The following SMARCC1 variants were observed in gnomAD, a reference collection of about 807,000 sequenced individuals.
SMARCC1 encodes the protein SWI/SNF related BAF chromatin remodeling complex subunit C1, also known as SWI/SNF complex subunit SMARCC1.
In SMARCC1, 43 loss-of-function variants were observed where a neutral mutation model predicts 147.4. The observed-to-expected ratio is 0.29, with a 90% confidence interval of 0.23 to 0.38. The LOEUF is 0.38. SMARCC1 is among the 10% of genes least tolerant of loss of function. SMARCC1 has a pLI of 1.00. For missense variants in SMARCC1, 1,119 were observed against 1,381.1 expected (o/e 0.81, Z 3.01); for synonymous variants, 495 against 484.4 (o/e 1.02, Z -0.29).
chr3:47,641,375 C>G (rs1036456343), intron 21 of SMARCC1, among the ~76,000 whole-genome samples: 1 of 152,148 alleles, frequency 6.6e-6, no homozygotes, highest in Non-Finnish European at 1.5e-5. Flanking sequence ...GTCTCAACTA[C>G]TCAGGAGGCT....
At chr3:47,750,114 A>T (rs1174757651) in intron 2 of SMARCC1, among the ~76,000 whole-genome samples, 1 of 151,446 alleles carries the variant, frequency 6.6e-6, no homozygotes. Flanking sequence ...ACGAGTCATT[A>T]TAATTCTGTA....
At chr3:47,597,891 G>A (rs1254541951) in intron 26 of SMARCC1, among the ~76,000 whole-genome samples, 1 of 152,212 alleles carries the variant, frequency 6.6e-6, no homozygotes, top group Non-Finnish European at 1.5e-5. Context: ...ATGGGATGAC[G>A]TGAAGAGGAC....
chr3:47,623,225 G>C (rs2032761094), intron 24 of SMARCC1, among the ~76,000 whole-genome samples: 1 of 149,082 alleles, frequency 6.7e-6, no homozygotes, highest in Admixed American at 6.7e-5. Flanking sequence ...CCAACTCCTG[G>C]GCTCAAGTGA....
At chr3:47,645,176 C>A (rs999865230) in intron 21 of SMARCC1, among the ~76,000 whole-genome samples, 2 of 151,928 alleles carry the variant, frequency 1.3e-5, no homozygotes, top group African/African-American at 4.8e-5. Context: ...ACAAAGGAGG[C>A]TGTGAAAGAA....
chr3:47,775,732 C>T (rs893664876), intron 1 of SMARCC1, among the ~76,000 whole-genome samples: 2 of 151,862 alleles, frequency 1.3e-5, no homozygotes, highest in Non-Finnish European at 2.9e-5. Context: ...AGATCGCGAT[C>T]GTGCCACCGC....
intron 2 of SMARCC1, among the ~76,000 whole-genome samples, chr3:47,756,806 C>T (rs1377316607): frequency 6.6e-6 from 1 of 152,070 alleles, no homozygotes; most frequent in Non-Finnish European, 1.5e-5. Flanking sequence ...TGGTATTTTA[C>T]AGAAAAAGTT....
intron 26 of SMARCC1, among the ~76,000 whole-genome samples, chr3:47,592,192 C>T (rs1216230243): frequency 1.3e-5 from 2 of 152,174 alleles, no homozygotes; most frequent in African/African-American, 4.8e-5. Flanking sequence ...AGCCTTCTGA[C>T]CCTTTAGAAT....
At chr3:47,752,455 G>C (rs1202150886) in intron 2 of SMARCC1, among the ~76,000 whole-genome samples, 1 of 152,152 alleles carries the variant, frequency 6.6e-6, no homozygotes, top group Non-Finnish European at 1.5e-5. Context: ...CAGGATGTTA[G>C]AGCAAATACT....
chr3:47,685,043 A>G (rs2033703165), intron 14 of SMARCC1, among the ~76,000 whole-genome samples: 1 of 152,218 alleles, frequency 6.6e-6, no homozygotes, highest in Non-Finnish European at 1.5e-5. Context: ...AGTCGGAAAC[A>G]TTCACCTTTT....
At position 47,676,892 on chromosome 3, in the gene SMARCC1, C is replaced by G. The variant is rs911397843; in HGVS notation, c.1572-110G>C. 6 of 882,804 alleles carry G rather than the reference C, an allele frequency of 6.8e-6. No individual in the cohort carries two copies. The African/African-American group carries it at 8.4e-5, about 12-fold the overall frequency. The allele number at this position is 882,804 out of a possible 1,614,324, so 54.7% of individuals were successfully genotyped here. A position where few individuals can be genotyped will look rare whatever the true frequency, so the allele number is the denominator to read the frequency against. On this transcript the variant is annotated intron_variant, in intron 16 of 27. Coordinates refer to ENST00000254480, the MANE Select transcript of SMARCC1 (RefSeq NM_003074.4). ...AAACAATAAAACCAGTAAATGTGCT[C>G]AGCAGGCTGTCAAACATCACAAACT...
intron 26 of SMARCC1, among the ~76,000 whole-genome samples, chr3:47,608,247 C>T (rs2032509710): frequency 6.6e-6 from 1 of 152,150 alleles, no homozygotes; most frequent in African/African-American, 2.4e-5. Flanking sequence ...ACCATTACAC[C>T]TGGCTAATTT....
At position 47,680,510 on chromosome 3, in the gene SMARCC1, T is replaced by C; in HGVS notation, c.1386-2A>G. The C allele has an allele frequency of 7.6e-7, 1 of 1,324,498 alleles. No individual in the cohort carries two copies. The highest frequency in any genetic ancestry group is 1.1e-6 in the Non-Finnish European group (1 of 943,466). The allele number at this position is 1,324,498 out of a possible 1,614,324, so 82.0% of individuals were successfully genotyped here. On this transcript the variant is annotated splice_acceptor_variant, in intron 14 of 27. Transcript: ENST00000254480. LOFTEE classifies it high-confidence loss of function. ...GCACGCCGTTCAATCACATGAATACTGAAAAGAAGAAGAAAAAAAGATTTA... is the reference window on the plus strand; with the variant it reads ...GCACGCCGTTCAATCACATGAATACCGAAAAGAAGAAGAAAAAAAGATTTA...
At chr3:47,599,763 C>A (rs1006442877) in intron 26 of SMARCC1, among the ~76,000 whole-genome samples, 5 of 152,190 alleles carry the variant, frequency 3.3e-5, no homozygotes, top group Non-Finnish European at 7.3e-5. Context: ...CAGCTCCAGA[C>A]AGAAATTACT....
intron 24 of SMARCC1, 23 bp downstream of exon 24, chr3:47,635,167 G>T (rs374707798): frequency 1.9e-6 from 3 of 1,609,768 alleles, no homozygotes; most frequent in African/African-American, 2.7e-5. Context: ...GAGAGCACTG[G>T]AAAAGGGCTG....
At chr3:47,655,971 G>T (rs1415971772) in intron 21 of SMARCC1, among the ~76,000 whole-genome samples, 1 of 152,146 alleles carries the variant, frequency 6.6e-6, no homozygotes, top group Non-Finnish European at 1.5e-5. Flanking sequence ...CCAGCACTTT[G>T]GGAGGCCGAG....
chr3:47,727,411 G>T (rs1399804775), intron 6 of SMARCC1, among the ~76,000 whole-genome samples: 1 of 151,772 alleles, frequency 6.6e-6, no homozygotes, highest in Admixed American at 6.6e-5. Context: ...GGAGGCTGAG[G>T]CAGGAGAATC....
At chr3:47,721,961 T>A (rs1305518958) in intron 6 of SMARCC1, among the ~76,000 whole-genome samples, 1 of 152,134 alleles carries the variant, frequency 6.6e-6, no homozygotes, top group Non-Finnish European at 1.5e-5. Context: ...GAGGCTGCAA[T>A]GGGCTATTAA....
intron 24 of SMARCC1, among the ~76,000 whole-genome samples, chr3:47,626,071 G>A (rs560093771): frequency 1.3e-5 from 2 of 152,084 alleles, no homozygotes; most frequent in Non-Finnish European, 2.9e-5. Context: ...GAAGGATCAC[G>A]TGAGTCTGGG....
chr3:47,769,210 C>CAAAAA (rs1553692338), intron 2 of SMARCC1, among the ~76,000 whole-genome samples: 1 of 33,094 alleles, frequency 3.0e-5, no homozygotes, highest in African/African-American at 1.3e-4. Flanking sequence ...GACTCCGTCT[C>CAAAAA]AAAAAAAAAA....
Sources: gnomAD v4.1 joint callset for allele counts (sites outside exome capture counted in the v4.1 genomes callset) on GRCh38, gnomAD v4.1.1 for gene constraint, MANE v1.5 for transcripts, NCBI Gene and HGNC (gene_info 2026-07-23, HGNC 2026-07-21) for gene names.